SPINT4: variants seen among roughly 807,000 people sequenced by gnomAD.
SPINT4 encodes the protein kunitz-type protease inhibitor 4.
In SPINT4, 7 loss-of-function variants were observed where a neutral mutation model predicts 9.4. The observed-to-expected ratio is 0.74, with a 90% CI of 0.42 to 1.40. SPINT4 has a LOEUF of 1.40. Among genes scored for constraint, SPINT4 ranks in the 40% most tolerant of loss-of-function variants. The pLI, the probability that SPINT4 is intolerant of heterozygous loss-of-function variation, is 0.01. For synonymous variants in SPINT4, 36 were observed against 39.9 expected, an observed-to-expected ratio of 0.90 and a Z score of 0.37; for missense variants, 105 against 114.4, an observed-to-expected ratio of 0.92 and a Z score of 0.37.
chr20:45,724,211 G>C (rs561446377), intron 2 of SPINT4, among the ~76,000 whole-genome samples, 154 bp downstream of exon 2: 1 of 151,944 alleles, frequency 6.6e-6, no homozygotes, highest in African/African-American at 2.4e-5. Flanking sequence ...TGGGTTGGCC[G>C]GGCGCAGTGG....
In SPINT4 at chr20:45,724,024, G is replaced by A. The variant is rs927990390; in HGVS notation, c.260G>A (p.Arg87His). The A allele has an allele frequency of 1.9e-6, 3 of 1,610,204 alleles. No individual in the cohort carries two copies. Among genetic ancestry groups the A allele is most frequent in the Non-Finnish European group, 2.5e-6 (3 of 1,178,994 alleles). The change falls in exon 2 of 3, where the codon CGT (arginine) becomes CAT (histidine). Residue 87 changes from arginine to histidine, a missense_variant. Physicochemically the swap from Arg to His is conservative, Grantham distance 29. Transcript: ENST00000279058. ...AACAACTTCAAGCTTAAAATAGAAC[G>A]TGAAGTAGCCTGTGTTGCAAAATAC... ...NLNNFKLKIE[R>H]EVACVAKYKP... is the part of the protein sequence containing the mutation.
chr20:45,724,979 C>CAAAAAAAAAAAAAAAAA (rs1168670011), intron 2 of SPINT4, among the ~76,000 whole-genome samples: 17 of 27,172 alleles, frequency 6.3e-4, no homozygotes, highest in African/African-American at 2.3e-3. Context: ...GACTCCATCT[C>CAAAAAAAAAAAAAAAAA]AAAAAAAAAA....
chr20:45,725,013 T>TACAC (rs1555808999), intron 2 of SPINT4, among the ~76,000 whole-genome samples: 2 of 49,522 alleles, frequency 4.0e-5, no homozygotes, highest in African/African-American at 3.1e-4. Flanking sequence ...TATATATATA[T>TACAC]ATATATATAT....
At chr20:45,723,818 GAC>G in intron 1 of SPINT4, 60 bp from the exon 2 acceptor site, 1 of 1,401,028 alleles carries the variant, frequency 7.1e-7, no homozygotes, top group Non-Finnish European at 9.5e-7. Flanking sequence ...GGCCCATAAA[GAC>G]AAGTTCTCCT....
chr20:45,725,098 T>G (rs1025495656), intron 2 of SPINT4, among the ~76,000 whole-genome samples: 3 of 148,822 alleles, frequency 2.0e-5, no homozygotes, highest in African/African-American at 7.5e-5. Flanking sequence ...ACCAAGCATC[T>G]CGAGGTCACA....
At position 45,723,967 on chromosome 20, in the gene SPINT4, C is replaced by T; in HGVS notation, c.203C>T (p.Thr68Ile). The T allele has an allele frequency of 6.2e-7, 1 of 1,610,108 alleles. No homozygotes were observed. The highest frequency in any genetic ancestry group is 8.5e-7 in the Non-Finnish European group (1 of 1,178,912). The change falls in exon 2 of 3, where the codon ACT (threonine) becomes ATT (isoleucine). Residue 68 changes from threonine (T) to isoleucine (I), a missense_variant. By Grantham distance (89) the Thr-to-Ile change is moderately conservative. Transcript: ENST00000279058. ...FYNRTSKRCETFVFSGCNGNL... is the reference protein window; with the variant it reads ...FYNRTSKRCEIFVFSGCNGNL... ...AACAGAACCTCCAAAAGATGTGAAA[C>T]TTTTGTCTTCTCCGGCTGTAATGGC...
rs1387842262 is a variant in SPINT4, at chr20:45,724,995, A to AAAT, written c.294-633_294-632insATA. ...ACTCCATCTCAAAAAAAAAAAAAAA[A>AAAT]ATATATATATATATATATATATATA... On this transcript the variant is annotated intron_variant, in intron 2 of 2. Transcript: ENST00000279058. Among the ~76,000 whole-genome samples, 101 of 36,418 alleles carry AAAT rather than the reference A, an allele frequency of 2.8e-3. 1 individual carries two copies. The highest frequency in any genetic ancestry group is 3.9e-3 in the Non-Finnish European group (92 of 23,316). 23.9% of individuals were successfully genotyped at this position (36,418 alleles called of 152,430 possible). A position where few individuals can be genotyped will look rare whatever the true frequency, so the allele number is the denominator to read the frequency against.
chr20:45,725,144 T>C lies in SPINT4; in HGVS notation c.294-485T>C, dbSNP rs1198726239. On this transcript the variant is annotated intron_variant, in intron 2 of 2. Transcript: ENST00000279058. ...GCACAGCAGGGTTTCTAACCAGAGCTGACAGTCACAATGGTCTTGACAATC... is the reference window on the plus strand; with the variant it reads ...GCACAGCAGGGTTTCTAACCAGAGCCGACAGTCACAATGGTCTTGACAATC... Among the ~76,000 whole-genome samples, 4 of 151,078 alleles carry C rather than the reference T, an allele frequency of 2.6e-5. No individual in the cohort carries two copies. The East Asian group carries it at 7.8e-4, about 29-fold the overall frequency.
intron 2 of SPINT4, among the ~76,000 whole-genome samples, chr20:45,724,512 TAAAA>T (rs58689567): frequency 5.4e-4 from 62 of 114,508 alleles, no homozygotes; most frequent in African/African-American, 1.4e-3. Context: ...AAACTCCATC[TAAAA>T]AAAAAAAAAA....
At chr20:45,722,678 T>A (rs928287604) in intron 1 of SPINT4, among the ~76,000 whole-genome samples, 196 bp downstream of exon 1, 1 of 152,018 alleles carries the variant, frequency 6.6e-6, no homozygotes, top group African/African-American at 2.4e-5. Context: ...AAAACAGAAA[T>A]GACACAAAGT....
In SPINT4 at chr20:45,723,965, A is replaced by C; in HGVS notation, c.201A>C (p.Glu67Asp). Residue 67 changes from glutamate (E) to aspartate (D), a missense_variant, in exon 2 of 3, where the codon GAA becomes GAC. Coordinates refer to ENST00000279058, the MANE Select transcript of SPINT4 (RefSeq NM_178455.3). ...ACAACAGAACCTCCAAAAGATGTGA[A>C]ACTTTTGTCTTCTCCGGCTGTAATG... is the stretch of plus-strand genomic sequence containing the variant. ...YFYNRTSKRC[E>D]TFVFSGCNGN... The C allele has an allele frequency of 6.2e-7, 1 of 1,610,048 alleles. No individual in the cohort carries two copies. Among genetic ancestry groups the C allele is most frequent in the Non-Finnish European group, 8.5e-7 (1 of 1,178,918 alleles).
At position 45,723,901 on chromosome 20, in the gene SPINT4, A is replaced by G. The variant is rs1489887666; in HGVS notation, c.137A>G (p.Asn46Ser). ...GCAGATCCCTGCAAATTGGACATGA[A>G]TTTTGGAAGCTGCTATGAAGTTCAC... ...DLKDPCKLDM[N>S]FGSCYEVHFR... The change falls in exon 2 of 3, where the codon AAT becomes AGT. Residue 46 changes from asparagine (N) to serine (S), a missense_variant. Coordinates refer to ENST00000279058, the MANE Select transcript of SPINT4 (RefSeq NM_178455.3). 2 of 1,593,030 alleles carry G rather than the reference A, an allele frequency of 1.3e-6. No individual in the cohort carries two copies. Among genetic ancestry groups the G allele is most frequent in the Non-Finnish European group, 1.7e-6 (2 of 1,174,096 alleles).
chr20:45,722,515 G>A (rs1400121768), intron 1 of SPINT4, 33 bp downstream of exon 1: 2 of 1,469,896 alleles, frequency 1.4e-6, no homozygotes, highest in Admixed American at 1.7e-5. Flanking sequence ...AAATCCAAAG[G>A]TCAATTATGA....
chr20:45,724,995 A>AAAAAAAAAAAAAAAATATATAT (rs1387842262), intron 2 of SPINT4, among the ~76,000 whole-genome samples: 1 of 36,424 alleles, frequency 2.7e-5, no homozygotes, highest in African/African-American at 1.9e-4. Context: ...AAAAAAAAAA[A>AAAAAAAAAAAAAAAATATATAT]ATATATATAT....
chr20:45,724,120 AAGAT>A, intron 2 of SPINT4, 63 bp downstream of exon 2: 1 of 1,491,832 alleles, frequency 6.7e-7, no homozygotes, highest in Non-Finnish European at 9.0e-7. Flanking sequence ...TTGACATCCT[AAGAT>A]AGAGAAAATT....
chr20:45,722,570 C>T, intron 1 of SPINT4, 88 bp downstream of exon 1: 1 of 954,372 alleles, frequency 1.0e-6, no homozygotes, highest in East Asian at 2.5e-5. Context: ...TCTAGGTAGT[C>T]CAGGAAGGTC....
At position 45,723,584 on chromosome 20, in the gene SPINT4, G is replaced by A. The variant is rs141589403; in HGVS notation, c.116-296G>A. ...AATAAACTGTAAGATAGGAAATGTA[G>A]GGAAGCTCATCGCCCTGCACAAGCT... On this transcript the variant is annotated intron_variant, in intron 1 of 2. Coordinates refer to ENST00000279058, the MANE Select transcript of SPINT4 (RefSeq NM_178455.3). Among the ~76,000 whole-genome samples, 367 of 152,190 alleles carry A rather than the reference G, an allele frequency of 2.4e-3. 3 individuals carry two copies. Among genetic ancestry groups the A allele is most frequent in the African/African-American group, 8.0e-3 (331 of 41,540 alleles).
At chr20:45,724,334 C>G (rs549265984) in intron 2 of SPINT4, among the ~76,000 whole-genome samples, 1 of 151,492 alleles carries the variant, frequency 6.6e-6, no homozygotes, top group Non-Finnish European at 1.5e-5. Context: ...ACTAAAAATA[C>G]AAAATTAGCC....
At chr20:45,724,474 T>C (rs1054489420) in intron 2 of SPINT4, among the ~76,000 whole-genome samples, 1 of 146,212 alleles carries the variant, frequency 6.8e-6, no homozygotes, top group Admixed American at 6.9e-5. Flanking sequence ...GCGCCATCCA[T>C]TGCACTCCAG....
Sources: allele counts gnomAD v4.1 joint callset (sites outside exome capture counted in the v4.1 genomes callset), GRCh38; gene constraint gnomAD v4.1.1; transcripts MANE v1.5; gene names NCBI Gene and HGNC (gene_info 2026-07-23, HGNC 2026-07-21).